The following MESP2 variants were observed in gnomAD, a reference collection of about 807,000 sequenced individuals.
MESP2 encodes mesoderm posterior protein 2.
MESP2 carries 34 observed loss-of-function variants against 37.8 expected under a neutral mutation model. The observed-to-expected ratio is 0.90, with a 90% CI of 0.68 to 1.20. The LOEUF is 1.20. Among genes scored for constraint, MESP2 ranks in the 50% most tolerant of loss-of-function variants. The pLI, the probability that MESP2 is intolerant of heterozygous loss-of-function variation, is 0.00. For missense variants in MESP2, 646 were observed against 545.3 expected (o/e 1.18, Z -1.84); for synonymous variants, 303 against 251.6 (o/e 1.20, Z -1.93).
rs1284860308 is a variant in MESP2 at position 89,777,096 on chromosome 15, G to C, written c.739G>C (p.Ala247Pro). Residue 247 changes from alanine (A) to proline (P), a missense_variant, in exon 1 of 2, where the codon GCA (alanine) becomes CCA (proline). By Grantham distance (27) the Ala-to-Pro change is conservative (BLOSUM62 -1). Coordinates refer to ENST00000341735, the MANE Select transcript of MESP2 (RefSeq NM_001039958.2). ...GRGVHDTDPW[A>P]TPPYCPKIQS... ...GGGGGTCCACGACACGGATCCCTGG[G>C]CAACACCCCCTTACTGCCCCAAGAT... 2 of 1,612,528 alleles carry C rather than the reference G, an allele frequency of 1.2e-6. No homozygotes were observed. Among genetic ancestry groups the C allele is most frequent in the Non-Finnish European group, 1.7e-6 (2 of 1,179,850 alleles).
rs752665246 is a variant in MESP2, at chr15:89,778,097, G to A, written c.957G>A (p.Ser319=). The A allele has an allele frequency of 6.1e-5, 98 of 1,613,412 alleles. No homozygotes were observed. The highest frequency in any genetic ancestry group is 3.6e-4 in the East Asian group (16 of 44,866). The stretch of plus-strand genomic sequence containing the variant: ...CTGTGTCTCCAGAGCCCTGTCTGTC[G>A]CTGGGAGCTCCATCTCTCCTGCCCC... ...GLSVSPEPCL[S]LGAPSLLPHP... The change falls in exon 2 of 2, where the codon TCG becomes TCA. Residue 319 remains serine (S), a synonymous_variant. Coordinates refer to ENST00000341735, the MANE Select transcript of MESP2 (RefSeq NM_001039958.2).
Position 89,778,277 on chromosome 15 carries a change from C to T in MESP2, c.1137C>T (p.Gly379=). The change falls in exon 2 of 2, where the codon GGC becomes GGT. Residue 379 remains glycine, a synonymous_variant. Coordinates refer to ENST00000341735, the MANE Select transcript of MESP2 (RefSeq NM_001039958.2). Reference sequence around the variant, plus strand: ...AGAGCTCAGGCCTGCGGTTCAGTGGCTGCCCTGAACTTTGGCAAGAAGATC... The same window carrying T: ...AGAGCTCAGGCCTGCGGTTCAGTGGTTGCCCTGAACTTTGGCAAGAAGATC... ...PPQSSGLRFS[G]CPELWQEDLE... The T allele has an allele frequency of 6.2e-7, 1 of 1,613,134 alleles. No homozygotes were observed. Among genetic ancestry groups the T allele is most frequent in the Non-Finnish European group, 8.5e-7 (1 of 1,179,986 alleles).
Position 89,777,181 on chromosome 15 carries a change from C to T in MESP2, c.824C>T (p.Pro275Leu), listed in dbSNP as rs1410560538. The T allele has an allele frequency of 6.2e-7, 1 of 1,612,910 alleles. No individual in the cohort carries two copies. Among genetic ancestry groups the T allele is most frequent in the Admixed American group, 1.7e-5 (1 of 59,994 alleles). Reference sequence around the variant, plus strand: ...TCCGACGCGTCTCTTTGGACGCCACCCCAAGGCTGTCCCTGGACGCAGTCG... The same window carrying T: ...TCCGACGCGTCTCTTTGGACGCCACTCCAAGGCTGTCCCTGGACGCAGTCG... ...TTSDASLWTP[P>L]QGCPWTQSSP... The change falls in exon 1 of 2, where the codon CCC becomes CTC. Residue 275 changes from proline to leucine, a missense_variant. Transcript: ENST00000341735.
rs1257896833 is a variant in MESP2 at position 89,776,527 on chromosome 15, C to T, written c.170C>T (p.Pro57Leu). ...CGCGGACTCCCGCAGCCACAGCCTC[C>T]GAGCTGCAGCTCCCGAGCCGCAGAG... ...GARGLPQPQP[P>L]SCSSRAAEAA... is the part of the protein sequence containing the mutation. Residue 57 changes from proline (P) to leucine (L), a missense_variant, in exon 1 of 2, where the codon CCG becomes CTG. Coordinates refer to ENST00000341735, the MANE Select transcript of MESP2 (RefSeq NM_001039958.2). The T allele has an allele frequency of 2.0e-6, 3 of 1,532,678 alleles. No homozygotes were observed. The highest frequency in any genetic ancestry group is 1.4e-5 in the African/African-American group (1 of 72,412). 94.9% of individuals were successfully genotyped at this position (1,532,678 alleles called of 1,614,324 possible). A position where few individuals can be genotyped will look rare whatever the true frequency, so the allele number is the denominator to read the frequency against.
Position 89,778,245 on chromosome 15 carries a change from C to T in MESP2, c.1105C>T (p.Pro369Ser). ...CGCCTTCCAGCTCAGTGAAGCAAGC[C>T]CTCCCCAGAGCTCAGGCCTGCGGTT... ...GAAFQLSEASPPQSSGLRFSG... is the reference protein window; with the variant it reads ...GAAFQLSEASSPQSSGLRFSG... Residue 369 changes from proline to serine, a missense_variant, in exon 2 of 2, where the codon CCT (proline) becomes TCT (serine). Pro to Ser is a moderately conservative substitution (Grantham distance 74). Transcript: ENST00000341735. 1 of 1,613,418 alleles carries T rather than the reference C, an allele frequency of 6.2e-7. No individual in the cohort carries two copies. The highest frequency in any genetic ancestry group is 8.5e-7 in the Non-Finnish European group (1 of 1,179,968).
At position 89,776,756 on chromosome 15, in the gene MESP2, C is replaced by G. The variant is rs1314221278; in HGVS notation, c.399C>G (p.Gly133=). ...TGCGCCTGGCCATCCGCTACATCGGCCACCTATCGGCCGTGCTGGGTCTCA... is the reference window on the plus strand; with the variant it reads ...TGCGCCTGGCCATCCGCTACATCGGGCACCTATCGGCCGTGCTGGGTCTCA... ...ETLRLAIRYI[G]HLSAVLGLSE... is the part of the protein sequence containing the mutation. Residue 133 remains glycine, a synonymous_variant, in exon 1 of 2, where the codon GGC becomes GGG. Transcript: ENST00000341735. 1.3e-6 allele frequency: 2 copies of G among 1,543,584 alleles called. No individual in the cohort carries two copies. The highest frequency in any genetic ancestry group is 8.7e-7 in the Non-Finnish European group (1 of 1,151,586).
chr15:89,777,227 A>G lies in MESP2; in HGVS notation c.870A>G (p.Pro290=). Residue 290 remains proline (P), a synonymous_variant, in exon 1 of 2, where the codon CCA becomes CCG. Coordinates refer to ENST00000341735, the MANE Select transcript of MESP2 (RefSeq NM_001039958.2). ...WTQSSPEPRN[P]PVPWTAAPAT... ...AGTCGTCCCCAGAGCCCCGGAACCC[A>G]CCAGTGCCCTGGACGGCGGCCCCAG... 6.2e-7 allele frequency: 1 copy of G among 1,612,220 alleles called. No individual in the cohort carries two copies. Among genetic ancestry groups the G allele is most frequent in the African/African-American group, 1.3e-5 (1 of 75,040 alleles).
Position 89,776,460 on chromosome 15 carries a change from T to G in MESP2, c.103T>G (p.Ser35Ala). The stretch of plus-strand genomic sequence containing the variant: ...CCACTGGGACTCCACGTCCCCGGCC[T>G]CCTCCTCCGATTCGTCGGGTTCGTG... ...AGHWDSTSPA[S>A]SSDSSGSCPC... The change falls in exon 1 of 2, where the codon TCC becomes GCC. Residue 35 changes from serine (S) to alanine (A), a missense_variant. Coordinates refer to ENST00000341735, the MANE Select transcript of MESP2 (RefSeq NM_001039958.2). 1.3e-6 allele frequency: 2 copies of G among 1,534,312 alleles called. No homozygotes were observed. Among genetic ancestry groups the G allele is most frequent in the Non-Finnish European group, 1.7e-6 (2 of 1,146,074 alleles).
Position 89,777,069 on chromosome 15 carries a change from A to T in MESP2, c.712A>T (p.Arg238Trp). The T allele has an allele frequency of 6.2e-7, 1 of 1,610,850 alleles. No individual in the cohort carries two copies. Among genetic ancestry groups the T allele is most frequent in the Non-Finnish European group, 8.5e-7 (1 of 1,179,262 alleles). The change falls in exon 1 of 2, where the codon AGG becomes TGG. Residue 238 changes from arginine to tryptophan, a missense_variant. Physicochemically the swap from Arg to Trp is moderately radical, Grantham distance 101. Transcript: ENST00000341735. The part of the protein sequence containing the change: ...GAQAAPERLG[R>W]GVHDTDPWAT... Reference sequence around the variant, plus strand: ...CCAAGCCGCACCCGAGCGCCTGGGGAGGGGGGTCCACGACACGGATCCCTG... The same window carrying T: ...CCAAGCCGCACCCGAGCGCCTGGGGTGGGGGGTCCACGACACGGATCCCTG...
rs1411878672 is a variant in MESP2, at chr15:89,778,271, C to T, written c.1131C>T (p.Phe377=). 1 of 1,613,210 alleles carries T rather than the reference C, an allele frequency of 6.2e-7. No homozygotes were observed. The highest frequency in any genetic ancestry group is 2.2e-5 in the East Asian group (1 of 44,890). The change falls in exon 2 of 2, where the codon TTC becomes TTT. Residue 377 remains phenylalanine, a synonymous_variant. Transcript: ENST00000341735. ...ASPPQSSGLR[F]SGCPELWQED... is the part of the protein sequence containing the mutation. ...CTCCCCAGAGCTCAGGCCTGCGGTT[C>T]AGTGGCTGCCCTGAACTTTGGCAAG... is the stretch of plus-strand genomic sequence containing the variant.
Position 89,778,564 on chromosome 15 carries a change from C to A in MESP2, c.*230C>A. On this transcript the variant is annotated 3_prime_UTR_variant, in exon 2 of 2. Coordinates refer to ENST00000341735, the MANE Select transcript of MESP2 (RefSeq NM_001039958.2). ...AGACACCCCCAGAATGCCTGGCGCT[C>A]TGCAGAGCACAGTCTGAGCTGCTCT... The A allele has an allele frequency of 1.7e-6, 1 of 600,002 alleles. No individual in the cohort carries two copies. Among genetic ancestry groups the A allele is most frequent in the Non-Finnish European group, 2.9e-6 (1 of 339,602 alleles). 37.2% of individuals were successfully genotyped at this position (600,002 alleles called of 1,614,324 possible).
intron 1 of MESP2, 40 bp downstream of exon 1, chr15:89,777,321 T>C (rs745729813): frequency 6.3e-7 from 1 of 1,578,066 alleles, no homozygotes; most frequent in Admixed American, 1.9e-5. Flanking sequence ...CAGCCTCCAG[T>C]CTGCAGAGAA....
rs758225691 is a variant in MESP2, at chr15:89,778,352, C to T, written c.*18C>T. ...TCTACTAAATGGCCTCGGCTTCCCT[C>T]TTTCCATCCAGGAATCAGTCCTGTA... On this transcript the variant is annotated 3_prime_UTR_variant, in exon 2 of 2. Coordinates refer to ENST00000341735, the MANE Select transcript of MESP2 (RefSeq NM_001039958.2). 3.7e-6 allele frequency: 6 copies of T among 1,612,882 alleles called. No homozygotes were observed. The African/African-American group carries it at 8.0e-5, about 22-fold the overall frequency.
At position 89,776,859 on chromosome 15, in the gene MESP2, C is replaced by A; in HGVS notation, c.502C>A (p.Arg168Ser). The A allele has an allele frequency of 6.9e-7, 1 of 1,458,474 alleles. No individual in the cohort carries two copies. The highest frequency in any genetic ancestry group is 9.0e-7 in the Non-Finnish European group (1 of 1,112,198). 90.3% of individuals were successfully genotyped at this position (1,458,474 alleles called of 1,614,324 possible). A position where few individuals can be genotyped will look rare whatever the true frequency, so the allele number is the denominator to read the frequency against. Residue 168 changes from arginine to serine, a missense_variant, in exon 1 of 2, where the codon CGT becomes AGT. Coordinates refer to ENST00000341735, the MANE Select transcript of MESP2 (RefSeq NM_001039958.2). The part of the protein sequence containing the change: ...SPWGCPLCPD[R>S]GPAEAQTQAE... ...TTGGGGCTGCCCGCTGTGCCCCGAC[C>A]GTGGCCCCGCAGAGGCGCAGACGCA...
At position 89,777,030 on chromosome 15, in the gene MESP2, G is replaced by A. The variant is rs1336489236; in HGVS notation, c.673G>A (p.Ala225Thr). The A allele has an allele frequency of 5.6e-6, 9 of 1,594,640 alleles. No individual in the cohort carries two copies. Among genetic ancestry groups the A allele is most frequent in the African/African-American group, 2.7e-5 (2 of 74,060 alleles). The change falls in exon 1 of 2, where the codon GCC (alanine) becomes ACC (threonine). Residue 225 changes from alanine (A) to threonine (T), a missense_variant. Ala to Thr is a moderately conservative substitution (Grantham distance 58). Coordinates refer to ENST00000341735, the MANE Select transcript of MESP2 (RefSeq NM_001039958.2). ...CGAGGCGTCCTGGGGATCCCCGTCC[G>A]CCTGCCCCGGAGCCCAAGCCGCACC... ...LAEASWGSPSACPGAQAAPER... is the reference protein window; with the variant it reads ...LAEASWGSPSTCPGAQAAPER...
Position 89,776,686 on chromosome 15 carries a change from C to T in MESP2, c.329C>T (p.Pro110Leu), listed in dbSNP as rs750589926. The change falls in exon 1 of 2, where the codon CCC (proline) becomes CTC (leucine). Residue 110 changes from proline to leucine, a missense_variant. Transcript: ENST00000341735. ...ALHELRRFLP[P>L]SLAPAGQSLT... ...CACGAGTTGCGCCGCTTTCTGCCTCCCTCCTTGGCGCCGGCCGGCCAGAGC... is the reference window on the plus strand; with the variant it reads ...CACGAGTTGCGCCGCTTTCTGCCTCTCTCCTTGGCGCCGGCCGGCCAGAGC... 1 of 1,554,518 alleles carries T rather than the reference C, an allele frequency of 6.4e-7. No homozygotes were observed. The highest frequency in any genetic ancestry group is 2.5e-5 in the East Asian group (1 of 40,144).
At chr15:89,777,537 C>T (rs1968388237) in intron 1 of MESP2, among the ~76,000 whole-genome samples, 1 of 151,998 alleles carries the variant, frequency 6.6e-6, no homozygotes. Flanking sequence ...GCAGGGTGGG[C>T]GTGCTGGCTT....
Position 89,776,400 on chromosome 15 carries a change from C to G in MESP2, c.43C>G (p.His15Asp), listed in dbSNP as rs985850317. ...PPPQSLLGHD[H>D]WIFAQGWGWA... Reference sequence around the variant, plus strand: ...TCCGCAGAGCCTCCTCGGCCACGACCACTGGATCTTCGCCCAGGGCTGGGG... The same window carrying G: ...TCCGCAGAGCCTCCTCGGCCACGACGACTGGATCTTCGCCCAGGGCTGGGG... The change falls in exon 1 of 2, where the codon CAC (histidine) becomes GAC (aspartate). Residue 15 changes from histidine (H) to aspartate (D), a missense_variant. Transcript: ENST00000341735. 15 of 1,532,608 alleles carry G rather than the reference C, an allele frequency of 9.8e-6. No homozygotes were observed. Among genetic ancestry groups the G allele is most frequent in the African/African-American group, 1.4e-5 (1 of 72,552 alleles). The allele number at this position is 1,532,608 out of a possible 1,614,324, so 94.9% of individuals were successfully genotyped here. A position where few individuals can be genotyped will look rare whatever the true frequency, so the allele number is the denominator to read the frequency against.
In MESP2 at chr15:89,776,545, C is replaced by A. The variant is rs1464626539; in HGVS notation, c.188C>A (p.Ala63Asp). 6.5e-7 allele frequency: 1 copy of A among 1,532,124 alleles called. No individual in the cohort carries two copies. 94.9% of individuals were successfully genotyped at this position (1,532,124 alleles called of 1,614,324 possible). A position where few individuals can be genotyped will look rare whatever the true frequency, so the allele number is the denominator to read the frequency against. The change falls in exon 1 of 2, where the codon GCC becomes GAC. Residue 63 changes from alanine (A) to aspartate (D), a missense_variant. Coordinates refer to ENST00000341735, the MANE Select transcript of MESP2 (RefSeq NM_001039958.2). ...CAGCCTCCGAGCTGCAGCTCCCGAG[C>A]CGCAGAGGCAGCCGCGACGACGCCC... is the stretch of plus-strand genomic sequence containing the variant. ...QPQPPSCSSR[A>D]AEAAATTPRR... is the part of the protein sequence containing the mutation.
Sources: gnomAD v4.1 joint callset for allele counts (sites outside exome capture counted in the v4.1 genomes callset) on GRCh38, gnomAD v4.1.1 for gene constraint, MANE v1.5 for transcripts, NCBI Gene and HGNC (gene_info 2026-07-23, HGNC 2026-07-21) for gene names.